RBMS3: variants seen among roughly 807,000 people sequenced by gnomAD.
RBMS3 encodes the protein RNA-binding motif, single-stranded-interacting protein 3.
A neutral mutation model predicts 66.8 loss-of-function variants in RBMS3; 27 were observed. The observed-to-expected ratio is 0.40, with a 90% CI of 0.30 to 0.56. The LOEUF is 0.56. RBMS3 is among the 20% of genes least tolerant of loss of function. RBMS3 has a pLI of 0.40. For synonymous variants in RBMS3, 188 were observed against 183.0 expected, an observed-to-expected ratio of 1.03 and a Z score of -0.22; for missense variants, 513 against 549.5, an observed-to-expected ratio of 0.93 and a Z score of 0.66.
Position 29,802,188 on chromosome 3 carries a change from A to G in RBMS3, c.637+39199A>G, listed in dbSNP as rs182954929. Among the ~76,000 whole-genome samples, 292 of 152,292 alleles carry G rather than the reference A, an allele frequency of 1.9e-3. 3 individuals carry two copies. The highest frequency in any genetic ancestry group is 3.2e-3 in the Non-Finnish European group (221 of 68,018). ...GCCTGAGTATAAACCAGGAGCCCTT[A>G]GGAATATCAGATTAAGGATCAGCCC... On this transcript the variant is annotated intron_variant, in intron 6 of 14. Coordinates refer to ENST00000383767, the MANE Select transcript of RBMS3 (RefSeq NM_001003793.3).
chr3:29,797,129 A>T (rs1479490240), intron 6 of RBMS3, among the ~76,000 whole-genome samples: 1 of 152,200 alleles, frequency 6.6e-6, no homozygotes, highest in Admixed American at 6.5e-5. Flanking sequence ...CCTAGATGGC[A>T]TCTTCTTCCA....
intron 1 of RBMS3, among the ~76,000 whole-genome samples, chr3:29,416,326 T>A (rs2040474943): frequency 6.7e-6 from 1 of 149,628 alleles, no homozygotes; most frequent in African/African-American, 2.5e-5. Context: ...TCTTCTATAA[T>A]CTTATATCTA....
intron 3 of RBMS3, among the ~76,000 whole-genome samples, chr3:29,577,049 A>G (rs538861142): frequency 6.6e-6 from 1 of 152,320 alleles, no homozygotes; most frequent in South Asian, 2.1e-4. Context: ...CTCAGAGCCC[A>G]AGGCCCATAG....
chr3:29,380,235 C>T (rs2038698383), intron 1 of RBMS3, among the ~76,000 whole-genome samples: 1 of 150,906 alleles, frequency 6.6e-6, no homozygotes, highest in East Asian at 1.9e-4. Context: ...CACACACACA[C>T]ACGTACATCT....
chr3:29,437,097 C>G (rs1426851440), intron 2 of RBMS3, among the ~76,000 whole-genome samples: 1 of 152,278 alleles, frequency 6.6e-6, no homozygotes, highest in East Asian at 1.9e-4. Flanking sequence ...GGAGCTGGCT[C>G]TGACTAACAC....
intron 10 of RBMS3, among the ~76,000 whole-genome samples, chr3:29,934,855 TCAGGAAGTTG>T (rs1474503501): frequency 6.6e-6 from 1 of 151,894 alleles, no homozygotes; most frequent in African/African-American, 2.4e-5. Context: ...ACAGATATAG[TCAGGAAGTTG>T]AATTTCGATA....
At chr3:29,746,338 G>T (rs1459850853) in intron 5 of RBMS3, among the ~76,000 whole-genome samples, 1 of 152,138 alleles carries the variant, frequency 6.6e-6, no homozygotes, top group Admixed American at 6.5e-5. Context: ...ATGAAACCAG[G>T]AAATCAAAAG....
Position 29,929,063 on chromosome 3 carries a change from A to G in RBMS3, c.940-7023A>G, listed in dbSNP as rs111889932. 4.5e-3 allele frequency among the ~76,000 whole-genome samples: 690 copies of G among 152,308 alleles called. 8 individuals carry two copies. The highest frequency in any genetic ancestry group is 0.015 in the African/African-American group (604 of 41,560). ...CTTAAGTAGAAAAATAAGAGGAAAAAATATAGTAACCCATCTGTGTAAGAA... is the reference window on the plus strand; with the variant it reads ...CTTAAGTAGAAAAATAAGAGGAAAAGATATAGTAACCCATCTGTGTAAGAA... On this transcript the variant is annotated intron_variant, in intron 10 of 14. Transcript: ENST00000383767.
chr3:29,557,242 A>G (rs2046397762), intron 3 of RBMS3, among the ~76,000 whole-genome samples: 2 of 152,218 alleles, frequency 1.3e-5, no homozygotes, highest in Non-Finnish European at 2.9e-5. Context: ...ACCCTCTGAG[A>G]GAGAAGAATA....
intron 10 of RBMS3, among the ~76,000 whole-genome samples, chr3:29,935,153 G>T (rs1030426810): frequency 2.6e-5 from 4 of 151,934 alleles, no homozygotes; most frequent in African/African-American, 9.7e-5. Flanking sequence ...TTTTAAGTTT[G>T]TTTTTTAAAA....
chr3:29,468,230 G>A (rs2042605279), intron 2 of RBMS3, among the ~76,000 whole-genome samples: 1 of 152,106 alleles, frequency 6.6e-6, no homozygotes, highest in South Asian at 2.1e-4. Context: ...TTGTTGATGT[G>A]CTTGAAACAT....
chr3:29,595,810 G>T (rs541563342), intron 4 of RBMS3, among the ~76,000 whole-genome samples: 84 of 152,254 alleles, frequency 5.5e-4, no homozygotes, highest in African/African-American at 1.9e-3. Flanking sequence ...GTCAAAATTT[G>T]GTTTAGCCAT....
chr3:29,938,368 C>T (rs2061316347), intron 11 of RBMS3, among the ~76,000 whole-genome samples: 1 of 151,824 alleles, frequency 6.6e-6, no homozygotes, highest in Non-Finnish European at 1.5e-5. Context: ...ATTATTAATA[C>T]CAAATTTCCA....
rs375457440 is a variant in RBMS3 at position 29,698,372 on chromosome 3, G to A, written c.400-41348G>A. ...GGAGCAGTTTGTGTCTGAATGTGCT[G>A]TAAACCAGATTTTTTTTTTCATGTA... On this transcript the variant is annotated intron_variant, in intron 4 of 14. Transcript: ENST00000383767. 9.5e-5 allele frequency: 94 copies of A among 985,366 alleles called. No homozygotes were observed. In the East Asian group the frequency reaches 4.5e-3, roughly 48 times the overall value. The allele number at this position is 985,366 out of a possible 1,614,324, so 61.0% of individuals were successfully genotyped here.
At chr3:29,295,815 A>G (rs2033222388) in intron 1 of RBMS3, among the ~76,000 whole-genome samples, 1 of 151,768 alleles carries the variant, frequency 6.6e-6, no homozygotes, top group Non-Finnish European at 1.5e-5. Flanking sequence ...TCTAAAATAT[A>G]TATTCAGGGT....
intron 3 of RBMS3, among the ~76,000 whole-genome samples, chr3:29,541,493 A>G (rs1056751681): frequency 6.6e-6 from 1 of 152,022 alleles, no homozygotes; most frequent in Non-Finnish European, 1.5e-5. Flanking sequence ...CACTGGTCTT[A>G]ATTTCAAAAT....
intron 2 of RBMS3, among the ~76,000 whole-genome samples, chr3:29,438,231 A>G (rs2041476597): frequency 6.6e-6 from 1 of 152,208 alleles, no homozygotes; most frequent in African/African-American, 2.4e-5. Context: ...TTCATTTTCC[A>G]TATTTATTTC....
chr3:29,587,184 C>T lies in RBMS3; in HGVS notation c.378C>T (p.Gly126=), dbSNP rs373148282. 42 of 1,467,472 alleles carry T rather than the reference C, an allele frequency of 2.9e-5. No homozygotes were observed. Among genetic ancestry groups the T allele is most frequent in the East Asian group, 8.2e-5 (3 of 36,386 alleles). 90.9% of individuals were successfully genotyped at this position (1,467,472 alleles called of 1,614,324 possible). ...CGGTAGCATCTCTCAAGGCAAATGG[C>T]GTGCAGGCACAGATGGCTAAGGTAA... is the stretch of plus-strand genomic sequence containing the variant. The part of the protein sequence containing the change: ...QKAVASLKAN[G]VQAQMAKQQE... The change falls in exon 4 of 15, where the codon GGC becomes GGT. Residue 126 remains glycine, a synonymous_variant. Transcript: ENST00000383767.
intron 1 of RBMS3, among the ~76,000 whole-genome samples, chr3:29,374,924 C>T (rs906202718): frequency 6.6e-6 from 1 of 152,142 alleles, no homozygotes; most frequent in African/African-American, 2.4e-5. Flanking sequence ...TCTTTCCAAA[C>T]CTGCATTCTA....
Sources: allele counts gnomAD v4.1 joint callset (sites outside exome capture counted in the v4.1 genomes callset), GRCh38; gene constraint gnomAD v4.1.1; transcripts MANE v1.5; gene names NCBI Gene and HGNC (gene_info 2026-07-23, HGNC 2026-07-21).